Variants in CUX1 observed in about 807,000 individuals in gnomAD.
CUX1 encodes the protein protein CASP.
Under a neutral mutation model 158.8 loss-of-function variants are expected in CUX1, and 31 were observed. The ratio of observed to expected loss-of-function variants is 0.20; its 90% CI spans 0.15 to 0.26. The LOEUF (loss-of-function observed/expected upper bound fraction) is 0.26. Among genes scored for constraint, CUX1 ranks in the 10% least tolerant of loss-of-function variants. The probability of loss-of-function intolerance (pLI) is 1.00; values close to 1 mark genes in which losing one functional copy is unlikely to be tolerated. For missense variants in CUX1, 1,589 were observed against 2,014.6 expected, an observed-to-expected ratio of 0.79 and a Z score of 4.04; for synonymous variants, 879 against 862.1, an observed-to-expected ratio of 1.02 and a Z score of -0.34.
rs573559675 is a variant in CUX1, at chr7:101,850,806, G to A, written c.30+33137G>A. Among the ~76,000 whole-genome samples the A allele has an allele frequency of 1.3e-4, 20 of 152,208 alleles. No homozygotes were observed. In the South Asian group the frequency reaches 3.3e-3, roughly 25 times the overall value. The stretch of plus-strand genomic sequence containing the variant: ...TCTGGCCTCAGAAAAGGCTGCCTAC[G>A]CCTCTCTCTTTCTCAGAATAGTCAC... On this transcript the variant is annotated intron_variant, in intron 1 of 23. Transcript: ENST00000292535.
chr7:102,168,918 C>CTTTTTTTTTTTTTTT (rs1239519322), intron 9 of CUX1, among the ~76,000 whole-genome samples: 2 of 84,136 alleles, frequency 2.4e-5, no homozygotes, highest in Non-Finnish European at 4.5e-5. Flanking sequence ...CTTTTATTTT[C>CTTTTTTTTTTTTTTT]TTTTCTTTTC....
chr7:102,153,913 T>C (rs1412306258), intron 8 of CUX1: 1 of 152,296 alleles, frequency 6.6e-6, no homozygotes, highest in Non-Finnish European at 1.5e-5. Flanking sequence ...GAGGAAGATA[T>C]TGGCAGTGTG....
At chr7:102,264,236 C>T (rs1228812324) in intron 14 of CUX1, among the ~76,000 whole-genome samples, 1 of 151,934 alleles carries the variant, frequency 6.6e-6, no homozygotes, top group Non-Finnish European at 1.5e-5. Context: ...GAACTCCTGA[C>T]CTCAGGTGAT....
intron 10 of CUX1, among the ~76,000 whole-genome samples, chr7:102,176,692 C>T (rs1262463142): frequency 2.6e-5 from 4 of 151,644 alleles, no homozygotes; most frequent in Non-Finnish European, 5.9e-5. Context: ...CCGCCCCAGC[C>T]TCCTGAGTAG....
At chr7:101,834,323 G>A (rs936009567) in intron 1 of CUX1, among the ~76,000 whole-genome samples, 1 of 151,670 alleles carries the variant, frequency 6.6e-6, no homozygotes, top group East Asian at 1.9e-4. Context: ...ACAGACACCC[G>A]CCACCACGCC....
chr7:102,099,209 G>T (rs960557186), intron 5 of CUX1, among the ~76,000 whole-genome samples: 4 of 152,154 alleles, frequency 2.6e-5, no homozygotes, highest in Non-Finnish European at 5.9e-5. Flanking sequence ...GGGGCACGAG[G>T]TGACAGGCAG....
chr7:101,947,440 C>T (rs142699169), intron 2 of CUX1, among the ~76,000 whole-genome samples: 1 of 152,276 alleles, frequency 6.6e-6, no homozygotes, highest in East Asian at 1.9e-4. Flanking sequence ...GGCCCGAGCC[C>T]GAGCTTAAAT....
chr7:102,075,454 A>G (rs1826604042), intron 4 of CUX1, among the ~76,000 whole-genome samples: 3 of 152,176 alleles, frequency 2.0e-5, no homozygotes, highest in Admixed American at 2.0e-4. Context: ...TCACTTCATC[A>G]TAATTCCTTG....
chr7:102,109,582 G>A (rs782246806), intron 6 of CUX1, among the ~76,000 whole-genome samples: 2 of 152,002 alleles, frequency 1.3e-5, no homozygotes, highest in East Asian at 1.9e-4. Flanking sequence ...CCAGGAGTTC[G>A]AGACCAGCCT....
At chr7:102,149,749 GT>G (rs1554503078) in intron 8 of CUX1, among the ~76,000 whole-genome samples, 1 of 152,072 alleles carries the variant, frequency 6.6e-6, no homozygotes, top group Non-Finnish European at 1.5e-5. Context: ...CTATAGGTTT[GT>G]CCCCCACCCC....
At chr7:101,968,624 C>T (rs1261342344) in intron 2 of CUX1, among the ~76,000 whole-genome samples, 2 of 152,022 alleles carry the variant, frequency 1.3e-5, no homozygotes, top group East Asian at 1.9e-4. Context: ...AATTTTCCCA[C>T]GTTGGCCAGG....
chr7:102,041,132 CA>C (rs552207636), intron 3 of CUX1, among the ~76,000 whole-genome samples: 6 of 137,410 alleles, frequency 4.4e-5, no homozygotes, highest in South Asian at 2.4e-4. Flanking sequence ...ACTAAAAATA[CA>C]AAAAAAAAAC....
chr7:101,930,160 T>C (rs551615143), intron 2 of CUX1, among the ~76,000 whole-genome samples: 1 of 152,328 alleles, frequency 6.6e-6, no homozygotes, highest in South Asian at 2.1e-4. Context: ...AAATTTTTAG[T>C]CACTTAACCA....
At chr7:102,128,981 AAAG>A (rs1286813921) in intron 8 of CUX1, among the ~76,000 whole-genome samples, 4 of 151,776 alleles carry the variant, frequency 2.6e-5, no homozygotes, top group Admixed American at 6.6e-5. Flanking sequence ...TTCAAAAAAA[AAAG>A]AGAAAAGAAT....
intron 1 of CUX1, among the ~76,000 whole-genome samples, chr7:101,879,578 C>T (rs779171917): frequency 1.3e-5 from 2 of 152,080 alleles, no homozygotes; most frequent in Non-Finnish European, 2.9e-5. Flanking sequence ...CCTTCTGGGG[C>T]TTACTTCCCC....
intron 20 of CUX1, among the ~76,000 whole-genome samples, chr7:102,219,211 A>T (rs782441954): frequency 8.1e-4 from 123 of 151,118 alleles, no homozygotes; most frequent in Non-Finnish European, 1.6e-3. Context: ...TGTGTGTGTG[A>T]GAGAGAGAGA....
In CUX1 at chr7:102,196,694, C is replaced by T. The variant is rs1554518422; in HGVS notation, c.1283C>T (p.Ala428Val). ...PESRRPGSLP[A>V]PPPSQLPRNP... is the part of the protein sequence containing the mutation. ...AGTCGGCGCCCGGGATCTTTGCCGG[C>T]CCCCCCTCCTTCTCAGTTGCCCCGC... Residue 428 changes from alanine (A) to valine (V), a missense_variant, in exon 15 of 24, where the codon GCC (alanine) becomes GTC (valine). Transcript: ENST00000292535. The T allele has an allele frequency of 6.2e-7, 1 of 1,603,764 alleles. No homozygotes were observed. Among genetic ancestry groups the T allele is most frequent in the Non-Finnish European group, 8.5e-7 (1 of 1,174,192 alleles).
intron 10 of CUX1, among the ~76,000 whole-genome samples, chr7:102,171,108 A>C (rs1791670013): frequency 6.6e-6 from 1 of 152,176 alleles, no homozygotes; most frequent in Admixed American, 6.5e-5. Context: ...TAGCCCAAAC[A>C]TTCCCAGCTC....
chr7:101,832,364 T>TGTG (rs1234060005), intron 1 of CUX1, among the ~76,000 whole-genome samples: 2 of 152,070 alleles, frequency 1.3e-5, no homozygotes, highest in African/African-American at 4.8e-5. Context: ...GGGAACAGCC[T>TGTG]GTGGAGGGTG....
Sources: gnomAD v4.1 joint callset for allele counts (sites outside exome capture counted in the v4.1 genomes callset) on GRCh38, gnomAD v4.1.1 for gene constraint, MANE v1.5 for transcripts, NCBI Gene and HGNC (gene_info 2026-07-23, HGNC 2026-07-21) for gene names.